The following FAM222B variants were observed in gnomAD, a reference collection of about 807,000 sequenced individuals.
FAM222B encodes the protein protein FAM222B.
Under a neutral mutation model 38.0 loss-of-function variants are expected in FAM222B, and 12 were observed. That is an observed-to-expected ratio of 0.32 (90% CI 0.20 to 0.51). The LOEUF is 0.51. Among genes scored for constraint, FAM222B ranks in the 20% least tolerant of loss-of-function variants. The pLI, the probability that FAM222B is intolerant of heterozygous loss-of-function variation, is 0.97. For missense variants in FAM222B, 716 were observed against 754.2 expected (o/e 0.95, Z 0.59); for synonymous variants, 329 against 317.2 (o/e 1.04, Z -0.40).
chr17:28,766,187 G>A (rs2035319409), intron 2 of FAM222B, among the ~76,000 whole-genome samples: 1 of 152,214 alleles, frequency 6.6e-6, no homozygotes, highest in Admixed American at 6.5e-5. Flanking sequence ...GGACACAGTG[G>A]CTCACACCTG....
rs1462155206 is a variant in FAM222B, at chr17:28,756,779, CTT to C, written c.*1489_*1490del. 2 of 151,550 alleles carry C rather than the reference CTT, an allele frequency of 1.3e-5. No homozygotes were observed. The highest frequency in any genetic ancestry group is 2.4e-5 in the African/African-American group (1 of 41,018). The allele number at this position is 151,550 out of a possible 1,614,324, so 9.4% of individuals were successfully genotyped here. ...TATAAGGCAACTTGCCAACACATAACTTAAAACTGGTCTTCAGTCACATTGCT... is the reference window on the plus strand; with the variant it reads ...TATAAGGCAACTTGCCAACACATAACAAAACTGGTCTTCAGTCACATTGCT... On this transcript the variant is annotated 3_prime_UTR_variant, in exon 3 of 3. Coordinates refer to ENST00000581407, the MANE Select transcript of FAM222B (RefSeq NM_001077498.3).
At chr17:28,799,805 C>T (rs1048868152) in intron 1 of FAM222B, among the ~76,000 whole-genome samples, 13 of 152,122 alleles carry the variant, frequency 8.5e-5, no homozygotes, top group Admixed American at 4.6e-4. Context: ...AACAAGATCT[C>T]GGCTGTTGCC....
intron 1 of FAM222B, among the ~76,000 whole-genome samples, chr17:28,810,790 C>T (rs1232427584): frequency 1.3e-5 from 2 of 152,086 alleles, no homozygotes; most frequent in Admixed American, 6.6e-5. Context: ...CTTCGTAATC[C>T]CTATTACTTT....
At chr17:28,784,308 T>C (rs2151849762) in intron 1 of FAM222B, among the ~76,000 whole-genome samples, 1 of 151,204 alleles carries the variant, frequency 6.6e-6, no homozygotes, top group South Asian at 2.1e-4. Context: ...ATTCCAACTC[T>C]TTAAAAACTT....
chr17:28,828,200 TC>T (rs1203979257), intron 1 of FAM222B, among the ~76,000 whole-genome samples: 2 of 127,282 alleles, frequency 1.6e-5, no homozygotes, highest in African/African-American at 6.0e-5. Context: ...AACCTCCGCC[TC>T]CCGGGTTCAA....
intron 1 of FAM222B, among the ~76,000 whole-genome samples, chr17:28,796,828 C>T (rs962974857): frequency 5.9e-5 from 9 of 151,892 alleles, no homozygotes; most frequent in South Asian, 2.1e-4. Context: ...CTATGCTTGA[C>T]GGCAGTTATA....
intron 1 of FAM222B, among the ~76,000 whole-genome samples, chr17:28,831,551 G>A (rs1236219509): frequency 2.8e-5 from 4 of 141,030 alleles, no homozygotes; most frequent in Non-Finnish European, 6.0e-5. Flanking sequence ...CTGTCACCCA[G>A]GCTGGAGTGC....
chr17:28,788,430 G>A (rs1480780235), intron 1 of FAM222B, among the ~76,000 whole-genome samples: 2 of 151,834 alleles, frequency 1.3e-5, no homozygotes, highest in Non-Finnish European at 2.9e-5. Context: ...ATAGAGACAG[G>A]TTTTTGCCAT....
intron 1 of FAM222B, among the ~76,000 whole-genome samples, chr17:28,813,337 A>ACT (rs998890782): frequency 6.6e-6 from 1 of 152,042 alleles, no homozygotes; most frequent in Admixed American, 6.6e-5. Context: ...TGGGGAACAT[A>ACT]CTCTCAGCAA....
intron 1 of FAM222B, among the ~76,000 whole-genome samples, chr17:28,838,830 A>G (rs906820882): frequency 6.6e-6 from 1 of 151,844 alleles, no homozygotes; most frequent in Non-Finnish European, 1.5e-5. Flanking sequence ...TCACTTGAAC[A>G]CAGGAGGCAG....
intron 1 of FAM222B, among the ~76,000 whole-genome samples, chr17:28,848,346 G>A (rs555594460): frequency 8.5e-5 from 13 of 152,246 alleles, no homozygotes; most frequent in African/African-American, 3.1e-4. Context: ...TGCCTGGGGT[G>A]AGCCTCATCC....
At chr17:28,818,016 T>C (rs1050853913) in intron 1 of FAM222B, among the ~76,000 whole-genome samples, 1 of 152,148 alleles carries the variant, frequency 6.6e-6, no homozygotes, top group East Asian at 1.9e-4. Flanking sequence ...GTAAAGAAGA[T>C]TTGCTAAAAT....
At chr17:28,837,765 G>T (rs998736946) in intron 1 of FAM222B, among the ~76,000 whole-genome samples, 1 of 151,406 alleles carries the variant, frequency 6.6e-6, no homozygotes, top group Admixed American at 6.6e-5. Flanking sequence ...CGATTCTCCC[G>T]CCTCAGTCTC....
chr17:28,791,512 T>A (rs577274723), intron 1 of FAM222B, among the ~76,000 whole-genome samples: 1 of 151,974 alleles, frequency 6.6e-6, no homozygotes, highest in Non-Finnish European at 1.5e-5. Flanking sequence ...CTGTGAGCAT[T>A]CATGGACTCC....
intron 1 of FAM222B, among the ~76,000 whole-genome samples, chr17:28,819,225 T>C (rs1242471801): frequency 1.3e-5 from 2 of 152,210 alleles, no homozygotes; most frequent in African/African-American, 4.8e-5. Flanking sequence ...TGCAATAGCC[T>C]CCCTTCTCAC....
intron 1 of FAM222B, among the ~76,000 whole-genome samples, chr17:28,823,805 C>A (rs1288408023): frequency 6.6e-6 from 1 of 152,092 alleles, no homozygotes; most frequent in Non-Finnish European, 1.5e-5. Flanking sequence ...GCATTTCTAT[C>A]CAACTGCCTA....
chr17:28,811,264 C>A (rs1276446802), intron 1 of FAM222B, among the ~76,000 whole-genome samples: 1 of 152,080 alleles, frequency 6.6e-6, no homozygotes, highest in Non-Finnish European at 1.5e-5. Flanking sequence ...CACGGTGAAA[C>A]CCGGTCACTA....
intron 1 of FAM222B, among the ~76,000 whole-genome samples, chr17:28,807,105 T>C (rs1231592278): frequency 6.6e-6 from 1 of 151,830 alleles, no homozygotes; most frequent in Non-Finnish European, 1.5e-5. Flanking sequence ...AACCTCTACC[T>C]CCTGGGTTCA....
At chr17:28,811,614 A>C (rs1168917372) in intron 1 of FAM222B, among the ~76,000 whole-genome samples, 1 of 152,214 alleles carries the variant, frequency 6.6e-6, no homozygotes, top group Non-Finnish European at 1.5e-5. Flanking sequence ...AGCAACAGCA[A>C]GGTAAGTTTG....
Sources: gnomAD v4.1 joint callset for allele counts (sites outside exome capture counted in the v4.1 genomes callset) on GRCh38, gnomAD v4.1.1 for gene constraint, MANE v1.5 for transcripts, NCBI Gene and HGNC (gene_info 2026-07-23, HGNC 2026-07-21) for gene names.